GAS7: variants seen among roughly 807,000 people sequenced by gnomAD.
GAS7 encodes growth arrest-specific protein 7.
A neutral mutation model predicts 71.1 loss-of-function variants in GAS7; 28 were observed. The ratio of observed to expected loss-of-function variants is 0.39; its 90% CI spans 0.29 to 0.54. GAS7 has a LOEUF of 0.54. Ranked by LOEUF, GAS7 falls within the 20% of genes least tolerant of loss-of-function variation. The pLI is 0.62. For missense variants in GAS7, 436 were observed against 627.8 expected (o/e 0.69, Z 3.27); for synonymous variants, 258 against 245.8 (o/e 1.05, Z -0.46).
At chr17:10,134,202 C>T (rs8081234) in intron 1 of GAS7, among the ~76,000 whole-genome samples, 139,673 of 152,028 alleles carry the variant, frequency 0.92, 64,236 homozygotes, top group East Asian at 1. Flanking sequence ...AGCTATTTTT[C>T]TTGTATTTTT....
At chr17:10,148,919 A>AAG (rs2074143085) in intron 1 of GAS7, among the ~76,000 whole-genome samples, 1 of 151,478 alleles carries the variant, frequency 6.6e-6, no homozygotes, top group East Asian at 1.9e-4. Context: ...CAAAAAAAAA[A>AAG]AAAAAAAGAA....
At chr17:9,966,574 G>T (rs1279301538) in intron 4 of GAS7, among the ~76,000 whole-genome samples, 1 of 152,196 alleles carries the variant, frequency 6.6e-6, no homozygotes, top group African/African-American at 2.4e-5. Flanking sequence ...CTGGAGTGGG[G>T]TCTATACCTG....
intron 1 of GAS7, among the ~76,000 whole-genome samples, chr17:10,092,125 G>A (rs950829738): frequency 2.0e-5 from 3 of 151,880 alleles, no homozygotes; most frequent in East Asian, 1.9e-4. Context: ...AGGCCAAGTC[G>A]GTGTCCACCT....
intron 5 of GAS7, among the ~76,000 whole-genome samples, chr17:9,955,051 G>C (rs529361487): frequency 3.3e-5 from 5 of 152,238 alleles, no homozygotes; most frequent in Middle Eastern, 3.4e-3. Context: ...TTCACTATAA[G>C]TGGCAGAGCA....
chr17:10,044,540 T>G (rs1327749412), intron 1 of GAS7, among the ~76,000 whole-genome samples: 1 of 152,238 alleles, frequency 6.6e-6, no homozygotes, highest in Non-Finnish European at 1.5e-5. Context: ...ATGTATTTTG[T>G]GGTAGTAAAT....
intron 1 of GAS7, among the ~76,000 whole-genome samples, chr17:10,126,936 T>G (rs1597807329): frequency 6.6e-6 from 1 of 152,144 alleles, no homozygotes; most frequent in Non-Finnish European, 1.5e-5. Flanking sequence ...CTGGTATCCT[T>G]GAAGGGAGAT....
chr17:10,191,043 C>T (rs190237247), intron 1 of GAS7, among the ~76,000 whole-genome samples: 17 of 151,854 alleles, frequency 1.1e-4, no homozygotes, highest in East Asian at 1.9e-4. Flanking sequence ...GGTGTGGTGG[C>T]GCATGCCCGT....
chr17:9,965,990 C>A (rs1328572146), intron 4 of GAS7, among the ~76,000 whole-genome samples: 1 of 149,752 alleles, frequency 6.7e-6, no homozygotes, highest in Non-Finnish European at 1.5e-5. Context: ...ACCCACCCCC[C>A]AAAATTCTTT....
chr17:9,937,044 G>A (rs1482248868), intron 8 of GAS7, among the ~76,000 whole-genome samples: 2 of 152,238 alleles, frequency 1.3e-5, no homozygotes, highest in Non-Finnish European at 2.9e-5. Context: ...AATGTCCAAA[G>A]CTGTGTGTAA....
rs1235150376 is a variant in GAS7 at position 10,005,310 on chromosome 17, T to TAC, written c.304+14465_304+14466dup. On this transcript the variant is annotated intron_variant, in intron 2 of 13. Coordinates refer to ENST00000432992, the MANE Select transcript of GAS7 (RefSeq NM_201433.2). ...ATGCATACATGTATATACACATATA[T>TAC]ACACACACATATATATATACACACA... Among the ~76,000 whole-genome samples, 16 of 149,110 alleles carry TAC rather than the reference T, an allele frequency of 1.1e-4. No individual in the cohort carries two copies. In the South Asian group the frequency reaches 2.1e-3, roughly 20 times the overall value.
chr17:9,917,117 TCTC>T lies in GAS7; in HGVS notation c.*108_*110del. ...TTCTGGAATCACCAGCTCTCTCCCC[TCTC>T]CTCAGTGGCCCAGGAGAGAGGGTGG... is the stretch of plus-strand genomic sequence containing the variant. On this transcript the variant is annotated 3_prime_UTR_variant, in exon 14 of 14. Transcript: ENST00000432992. 1 of 748,842 alleles carries T rather than the reference TCTC, an allele frequency of 1.3e-6. No individual in the cohort carries two copies. Among genetic ancestry groups the T allele is most frequent in the Non-Finnish European group, 2.4e-6 (1 of 419,042 alleles). 46.4% of individuals were successfully genotyped at this position (748,842 alleles called of 1,614,324 possible).
At chr17:10,040,095 T>C (rs2072834813) in intron 1 of GAS7, among the ~76,000 whole-genome samples, 1 of 152,198 alleles carries the variant, frequency 6.6e-6, no homozygotes, top group African/African-American at 2.4e-5. Flanking sequence ...TGTTCTATGC[T>C]TCACATGTTT....
chr17:9,989,436 C>T (rs1249316463), intron 2 of GAS7, among the ~76,000 whole-genome samples: 3 of 152,180 alleles, frequency 2.0e-5, no homozygotes, highest in Non-Finnish European at 2.9e-5. Context: ...TTAAACTCCT[C>T]CTCCTTCAGC....
At chr17:9,922,129 T>G (rs1172411647) in intron 11 of GAS7, among the ~76,000 whole-genome samples, 1 of 152,114 alleles carries the variant, frequency 6.6e-6, no homozygotes, top group East Asian at 1.9e-4. Flanking sequence ...TGTCAAAATA[T>G]GTAAAGCACT....
chr17:10,097,803 G>A (rs973923883), intron 1 of GAS7, among the ~76,000 whole-genome samples: 1 of 152,142 alleles, frequency 6.6e-6, no homozygotes, highest in African/African-American at 2.4e-5. Flanking sequence ...CAGCACTTTG[G>A]GAGGCCGAGG....
intron 1 of GAS7, among the ~76,000 whole-genome samples, chr17:10,167,089 C>G (rs563239818): frequency 1.5e-4 from 16 of 106,028 alleles, no homozygotes; most frequent in Admixed American, 9.0e-4. Context: ...CAGAGTTTCA[C>G]TCTCGTTGCC....
chr17:10,058,304 T>A (rs2073176257), intron 1 of GAS7, among the ~76,000 whole-genome samples: 1 of 151,708 alleles, frequency 6.6e-6, no homozygotes, highest in Admixed American at 6.6e-5. Context: ...CAAAAAAAAA[T>A]TAGCCAGGTG....
intron 2 of GAS7, among the ~76,000 whole-genome samples, chr17:10,012,629 C>A (rs1241124618): frequency 6.6e-6 from 1 of 152,146 alleles, no homozygotes; most frequent in Non-Finnish European, 1.5e-5. Context: ...TGTGCTATAT[C>A]TCTTGAAATA....
chr17:9,959,357 G>A lies in GAS7; in HGVS notation c.472-102C>T. On this transcript the variant is annotated intron_variant, in intron 4 of 13. Transcript: ENST00000432992. The surrounding 1 kb of genome is among the most constrained non-coding windows in gnomAD (Gnocchi z 5.0). ...AGGGTGGAGGCGCTGGGGAATCAGG[G>A]ATGCTCAGTCTGAATCCTAAGTCAC... 1.9e-6 allele frequency: 3 copies of A among 1,575,108 alleles called. No homozygotes were observed. The highest frequency in any genetic ancestry group is 2.3e-5 in the South Asian group (2 of 86,172).
Sources: gnomAD v4.1 joint callset for allele counts (sites outside exome capture counted in the v4.1 genomes callset) on GRCh38, gnomAD v4.1.1 for gene constraint, Gnocchi (gnomAD v3.1) non-coding constraint, MANE v1.5 for transcripts, NCBI Gene and HGNC (gene_info 2026-07-23, HGNC 2026-07-21) for gene names.